Variants in MGAT4C observed in about 807,000 individuals in gnomAD.
The protein encoded by MGAT4C is alpha-1,3-mannosyl-glycoprotein 4-beta-N-acetylglucosaminyltransferase C.
In MGAT4C, 19 loss-of-function variants were observed where a neutral mutation model predicts 40.1. The ratio of observed to expected loss-of-function variants is 0.47; its 90% CI spans 0.33 to 0.70. The LOEUF is 0.70. Ranked by LOEUF, MGAT4C falls within the 30% of genes least tolerant of loss-of-function variation. MGAT4C has a pLI of 0.02. For missense variants in MGAT4C, 491 were observed against 563.2 expected, an observed-to-expected ratio of 0.87 and a Z score of 1.30; for synonymous variants, 181 against 187.1, an observed-to-expected ratio of 0.97 and a Z score of 0.27.
At chr12:86,166,757 C>T (rs1236313429) in intron 1 of MGAT4C, among the ~76,000 whole-genome samples, 1 of 152,120 alleles carries the variant, frequency 6.6e-6, no homozygotes, top group African/African-American at 2.4e-5. Context: ...TCCTTACCTT[C>T]CTATCCTTCT....
At position 86,275,110 on chromosome 12, in the gene MGAT4C, T is replaced by C. The variant is rs550177858; in HGVS notation, c.-57+58955A>G. The stretch of plus-strand genomic sequence containing the variant: ...CAACAGTTCATTCATCTTGATTTAA[T>C]TGACACAATATATACCATTCAGAAC... On this transcript the variant is annotated intron_variant, in intron 4 of 7. Coordinates refer to the MGAT4C transcript ENST00000548651. Among the ~76,000 whole-genome samples the C allele has an allele frequency of 3.9e-5, 6 of 152,338 alleles. No homozygotes were observed. The East Asian group carries it at 9.6e-4, about 24-fold the overall frequency.
intron 1 of MGAT4C, among the ~76,000 whole-genome samples, chr12:86,228,722 AT>A (rs1166558370): frequency 2.0e-5 from 3 of 151,972 alleles, no homozygotes; most frequent in East Asian, 3.8e-4. Flanking sequence ...TAAGACTCTA[AT>A]TTAAAACTAA....
At chr12:86,811,030 A>AT (rs1195322982) in intron 1 of MGAT4C, among the ~76,000 whole-genome samples, 27 of 42,480 alleles carry the variant, frequency 6.4e-4, no homozygotes, top group Admixed American at 1.8e-3. Context: ...TCCTTGTCAA[A>AT]GATTTTATAT....
chr12:86,392,615 G>T (rs1216141210), intron 3 of MGAT4C, among the ~76,000 whole-genome samples: 2 of 152,180 alleles, frequency 1.3e-5, no homozygotes, highest in Non-Finnish European at 2.9e-5. Context: ...GTGAGGGATG[G>T]CTTTTAGAGT....
intron 2 of MGAT4C, among the ~76,000 whole-genome samples, chr12:86,456,776 G>A (rs1321160048): frequency 6.6e-6 from 1 of 152,006 alleles, no homozygotes; most frequent in Non-Finnish European, 1.5e-5. Flanking sequence ...GGTTGTCCCA[G>A]CTAAAAATGT....
intron 1 of MGAT4C, among the ~76,000 whole-genome samples, chr12:86,242,753 G>T (rs1027993520): frequency 1.3e-5 from 2 of 151,934 alleles, no homozygotes; most frequent in Non-Finnish European, 2.9e-5. Flanking sequence ...TTATACAATG[G>T]CATGCATAAG....
chr12:86,294,456 G>A (rs964083655), intron 4 of MGAT4C, among the ~76,000 whole-genome samples: 3 of 151,694 alleles, frequency 2.0e-5, no homozygotes, highest in Admixed American at 1.3e-4. Flanking sequence ...AGCACCACAT[G>A]CCTCTTCGAT....
rs1293798132 is a variant in MGAT4C at position 85,980,235 on chromosome 12, A to G, written c.491T>C (p.Ile164Thr). ...TATAACCATTAATCTTCCTGCAATA[A>G]TATGGTGCGCAAATTTCTGTGTAAT... ...QDITQKFAHH[I>T]IAGRLMVIHA... is the part of the protein sequence containing the mutation. The change falls in exon 5 of 5, where the codon ATT (isoleucine) becomes ACT (threonine). Residue 164 changes from isoleucine to threonine, a missense_variant. Ile to Thr is a moderately conservative substitution (Grantham distance 89, BLOSUM62 -1). Transcript: ENST00000611864. The G allele has an allele frequency of 6.2e-7, 1 of 1,613,750 alleles. No individual in the cohort carries two copies. The highest frequency in any genetic ancestry group is 1.7e-5 in the Admixed American group (1 of 59,946).
intron 1 of MGAT4C, among the ~76,000 whole-genome samples, chr12:86,788,373 G>C (rs912043024): frequency 2.7e-5 from 4 of 146,730 alleles, no homozygotes; most frequent in Non-Finnish European, 4.5e-5. Flanking sequence ...TGTTGATCTT[G>C]TCTCTCAGAA....
intron 1 of MGAT4C, among the ~76,000 whole-genome samples, chr12:86,076,110 T>C (rs1338252048): frequency 2.6e-5 from 4 of 152,236 alleles, no homozygotes; most frequent in East Asian, 1.9e-4. Flanking sequence ...ACCACTTGAA[T>C]GCTTTGCTGC....
chr12:86,393,226 T>C (rs1007876358), intron 3 of MGAT4C, among the ~76,000 whole-genome samples: 2 of 152,206 alleles, frequency 1.3e-5, no homozygotes, highest in South Asian at 2.1e-4. Context: ...GAGATCTCTT[T>C]GCCCAATATG....
intron 2 of MGAT4C, among the ~76,000 whole-genome samples, chr12:86,470,275 T>C (rs61950760): frequency 0.1 from 15,291 of 152,260 alleles, 1,009 homozygotes; most frequent in Middle Eastern, 0.25. Flanking sequence ...AAGATACTTA[T>C]GTACAGCTAA....
intron 2 of MGAT4C, among the ~76,000 whole-genome samples, chr12:86,569,225 AC>A (rs1960264761): frequency 6.6e-6 from 1 of 152,108 alleles, no homozygotes; most frequent in South Asian, 2.1e-4. Context: ...GCAAAAGAAA[AC>A]ATTAAACAGA....
intron 1 of MGAT4C, among the ~76,000 whole-genome samples, chr12:86,230,754 A>G (rs1448425464): frequency 1.3e-5 from 2 of 152,156 alleles, no homozygotes; most frequent in Non-Finnish European, 2.9e-5. Context: ...AAGGAATTTC[A>G]CCTCTGCCAC....
chr12:86,264,489 G>A (rs1466088852), intron 4 of MGAT4C, among the ~76,000 whole-genome samples: 1 of 152,150 alleles, frequency 6.6e-6, no homozygotes, highest in Non-Finnish European at 1.5e-5. Flanking sequence ...GGAGGGGGCT[G>A]CGCACTCCAC....
intron 4 of MGAT4C, among the ~76,000 whole-genome samples, chr12:86,293,574 A>G (rs566837514): frequency 4.8e-4 from 73 of 151,670 alleles, no homozygotes; most frequent in Non-Finnish European, 8.3e-4. Context: ...CTTGTTTTTT[A>G]AATTTGAGTA....
At chr12:86,070,771 G>C (rs1417546816) in intron 1 of MGAT4C, among the ~76,000 whole-genome samples, 1 of 152,004 alleles carries the variant, frequency 6.6e-6, no homozygotes, top group Admixed American at 6.6e-5. Flanking sequence ...ACAGGTCCAT[G>C]AGCAATCAGA....
chr12:86,021,713 A>G (rs1025880582), intron 2 of MGAT4C, among the ~76,000 whole-genome samples: 10 of 152,270 alleles, frequency 6.6e-5, no homozygotes, highest in Middle Eastern at 3.4e-3. Context: ...CGTTGTGCAC[A>G]TGTACCCTAA....
At chr12:86,553,578 A>T (rs778835018) in intron 2 of MGAT4C, among the ~76,000 whole-genome samples, 3 of 152,108 alleles carry the variant, frequency 2.0e-5, no homozygotes, top group Non-Finnish European at 4.4e-5. Context: ...ATAATCGTTT[A>T]TCTTTAAATT....
Sources: gnomAD v4.1 joint callset for allele counts (sites outside exome capture counted in the v4.1 genomes callset) on GRCh38, gnomAD v4.1.1 for gene constraint, MANE v1.5 for transcripts, NCBI Gene and HGNC (gene_info 2026-07-23, HGNC 2026-07-21) for gene names.